FNIP1: variants seen among roughly 807,000 people sequenced by gnomAD.
FNIP1 encodes folliculin interacting protein 1.
A neutral mutation model predicts 124.5 loss-of-function variants in FNIP1; 40 were observed. The ratio of observed to expected loss-of-function variants is 0.32; its 90% confidence interval spans 0.25 to 0.42. The LOEUF (loss-of-function observed/expected upper bound fraction) is 0.42, where lower values mean the gene tolerates loss of function less well. Ranked by LOEUF, FNIP1 falls within the 10% of genes least tolerant of loss-of-function variation. The pLI, the probability that FNIP1 is intolerant of heterozygous loss-of-function variation, is 1.00. For missense variants in FNIP1, 1,176 were observed against 1,403.7 expected (o/e 0.84, Z 2.59); for synonymous variants, 472 against 470.6 (o/e 1.00, Z -0.04).
At chr5:131,748,549 T>C (rs1770760971) in intron 1 of FNIP1, among the ~76,000 whole-genome samples, 2 of 151,626 alleles carry the variant, frequency 1.3e-5, no homozygotes, top group East Asian at 3.9e-4. Flanking sequence ...AAACAAAAAT[T>C]AGCCAGGCGT....
chr5:131,780,776 T>G (rs1163363156), intron 1 of FNIP1, among the ~76,000 whole-genome samples: 1 of 152,138 alleles, frequency 6.6e-6, no homozygotes, highest in Non-Finnish European at 1.5e-5. Flanking sequence ...TCTCTCCCCC[T>G]TTCCTGGAGC....
intron 1 of FNIP1, among the ~76,000 whole-genome samples, chr5:131,774,227 T>C (rs917767043): frequency 2.6e-5 from 4 of 152,200 alleles, no homozygotes; most frequent in African/African-American, 9.7e-5. Flanking sequence ...AAGTTCTCAC[T>C]TTGTTGCCTA....
At chr5:131,698,782 A>G in intron 11 of FNIP1, 135 bp downstream of exon 11, 1 of 598,918 alleles carries the variant, frequency 1.7e-6, no homozygotes, top group Non-Finnish European at 2.7e-6. Context: ...ATAGGAGCCA[A>G]TGGTCTACTG....
chr5:131,677,995 G>T (rs1178889414), intron 12 of FNIP1, 123 bp from the exon 13 acceptor site: 1 of 844,654 alleles, frequency 1.2e-6, no homozygotes, highest in East Asian at 2.7e-5. Flanking sequence ...CCAAAAAAAG[G>T]AGAAGAGAGA....
intron 1 of FNIP1, among the ~76,000 whole-genome samples, chr5:131,790,044 A>T (rs915005360): frequency 6.6e-6 from 1 of 152,176 alleles, no homozygotes; most frequent in Non-Finnish European, 1.5e-5. Context: ...TCCAAAACAG[A>T]ACTTTTGACC....
intron 15 of FNIP1, among the ~76,000 whole-genome samples, chr5:131,657,161 GCC>G (rs2149507440): frequency 6.6e-6 from 1 of 151,608 alleles, no homozygotes; most frequent in Admixed American, 6.6e-5. Flanking sequence ...CTGCCACCAT[GCC>G]TGGCTCATTT....
At position 131,671,645 on chromosome 5, in the gene FNIP1, A is replaced by T; in HGVS notation, c.2799T>A (p.Ile933=). 6.2e-7 allele frequency: 1 copy of T among 1,614,088 alleles called. No homozygotes were observed. Among genetic ancestry groups the T allele is most frequent in the Non-Finnish European group, 8.5e-7 (1 of 1,180,012 alleles). The change falls in exon 14 of 18, where the codon ATT becomes ATA. Residue 933 remains isoleucine (I), a synonymous_variant. Coordinates refer to ENST00000510461, the MANE Select transcript of FNIP1 (RefSeq NM_133372.3). ...KKIAVGTEWD[I]PRNESSDSAL... is the part of the protein sequence containing the mutation. ...CACTGTCTGAACTTTCATTTCTTGG[A>T]ATGTCCCATTCAGTTCCTACAGCAA... is the stretch of plus-strand genomic sequence containing the variant.
rs149393445 is a variant in FNIP1, at chr5:131,703,418, T to C, written c.1116+647A>G. 9.8e-5 allele frequency among the ~76,000 whole-genome samples: 15 copies of C among 152,354 alleles called. No homozygotes were observed. In the East Asian group the frequency reaches 2.9e-3, roughly 29 times the overall value. The stretch of plus-strand genomic sequence containing the variant: ...GAAAACCCTCCAATGGTTTCCCATC[T>C]TTCATACTTTTGTAAGAATAAATGC... On this transcript the variant is annotated intron_variant, in intron 10 of 17. Coordinates refer to ENST00000510461, the MANE Select transcript of FNIP1 (RefSeq NM_133372.3).
intron 16 of FNIP1, among the ~76,000 whole-genome samples, chr5:131,648,171 A>AC (rs1561635684): frequency 7.1e-5 from 7 of 98,952 alleles, no homozygotes; most frequent in Non-Finnish European, 1.6e-4. Context: ...CTCTACAAAA[A>AC]TTAAAAAAAA....
At chr5:131,775,432 A>G (rs1432864881) in intron 1 of FNIP1, among the ~76,000 whole-genome samples, 3 of 142,944 alleles carry the variant, frequency 2.1e-5, no homozygotes, top group African/African-American at 7.9e-5. Context: ...TAAGGATAAT[A>G]AAACAGTTCA....
chr5:131,731,006 A>G lies in FNIP1; in HGVS notation c.252T>C (p.Phe84=), dbSNP rs773328387. 1.5e-5 allele frequency: 24 copies of G among 1,613,222 alleles called. No homozygotes were observed. The highest frequency in any genetic ancestry group is 3.3e-5 in the Admixed American group (2 of 59,860). ...CAGGTTTCAGTTGGCAGCATTTCCC[A>G]AAGACTTTAACTTGAGCATCACTGC... ...KLGSDAQVKV[F]GKCCQLKPGG... is the part of the protein sequence containing the mutation. Residue 84 remains phenylalanine, a synonymous_variant, in exon 3 of 18, where the codon TTT becomes TTC. Transcript: ENST00000510461.
chr5:131,693,703 T>C (rs1768593274), intron 11 of FNIP1, among the ~76,000 whole-genome samples: 1 of 151,936 alleles, frequency 6.6e-6, no homozygotes, highest in African/African-American at 2.4e-5. Context: ...CCAAATACTA[T>C]ACAGGAAAGA....
At chr5:131,647,482 T>C (rs923623591) in intron 16 of FNIP1, among the ~76,000 whole-genome samples, 1 of 151,912 alleles carries the variant, frequency 6.6e-6, no homozygotes, top group East Asian at 1.9e-4. Context: ...TTTTGTTTGT[T>C]TTTTGTTTTT....
chr5:131,750,616 CTTT>C (rs537818966), intron 1 of FNIP1, among the ~76,000 whole-genome samples: 3 of 137,968 alleles, frequency 2.2e-5, no homozygotes, highest in Non-Finnish European at 3.2e-5. Context: ...TCCCTTCTTT[CTTT>C]TTTTTTTTTT....
intron 2 of FNIP1, among the ~76,000 whole-genome samples, chr5:131,737,880 T>C (rs1260167331): frequency 6.6e-6 from 1 of 152,240 alleles, no homozygotes; most frequent in South Asian, 2.1e-4. Context: ...TATTCCCTAG[T>C]GCTTAACAGC....
intron 3 of FNIP1, among the ~76,000 whole-genome samples, chr5:131,727,625 T>A (rs1769927306): frequency 1.3e-5 from 2 of 152,206 alleles, no homozygotes; most frequent in African/African-American, 4.8e-5. Flanking sequence ...TCTTGACTCG[T>A]TATCCAATTT....
In FNIP1 at chr5:131,670,637, A is replaced by G. The variant is rs758376107; in HGVS notation, c.2940-6T>C. The G allele has an allele frequency of 6.3e-7, 1 of 1,579,648 alleles. No individual in the cohort carries two copies. The highest frequency in any genetic ancestry group is 8.5e-7 in the Non-Finnish European group (1 of 1,169,762). ...TCACTTCGATTAACTTTGACCTGGAAGAAAAATGCCCCCAAAAGACATTTA... is the reference window on the plus strand; with the variant it reads ...TCACTTCGATTAACTTTGACCTGGAGGAAAAATGCCCCCAAAAGACATTTA... On this transcript the variant is annotated splice_region_variant and splice_polypyrimidine_tract_variant and intron_variant, in intron 14 of 17. Coordinates refer to ENST00000510461, the MANE Select transcript of FNIP1 (RefSeq NM_133372.3).
At chr5:131,704,332 G>A in intron 9 of FNIP1, 66 bp from the exon 10 acceptor site, 1 of 1,341,680 alleles carries the variant, frequency 7.5e-7, no homozygotes, top group Non-Finnish European at 1.0e-6. Flanking sequence ...TAATCTTCTT[G>A]CTAATTAAAT....
intron 3 of FNIP1, among the ~76,000 whole-genome samples, chr5:131,730,261 T>C (rs888451717): frequency 6.6e-6 from 1 of 152,180 alleles, no homozygotes; most frequent in South Asian, 2.1e-4. Flanking sequence ...TGATTAGGTA[T>C]AAAGATCAAT....
Sources: gnomAD v4.1 joint callset for allele counts (sites outside exome capture counted in the v4.1 genomes callset) on GRCh38, gnomAD v4.1.1 for gene constraint, MANE v1.5 for transcripts, NCBI Gene and HGNC (gene_info 2026-07-23, HGNC 2026-07-21) for gene names.